The following RASGRF1 variants were observed in gnomAD, a reference collection of about 807,000 sequenced individuals.
RASGRF1 encodes Ras protein specific guanine nucleotide releasing factor 1.
RASGRF1 carries 40 observed loss-of-function variants against 138.7 expected under a neutral mutation model. The observed-to-expected ratio is 0.29, with a 90% confidence interval of 0.22 to 0.38. The LOEUF is 0.38. RASGRF1 is among the 10% of genes least tolerant of loss of function. The probability of loss-of-function intolerance (pLI) is 1.00; values close to 1 mark genes in which losing one functional copy is unlikely to be tolerated. For missense variants in RASGRF1, 1,108 were observed against 1,650.4 expected, an observed-to-expected ratio of 0.67 and a Z score of 5.69; for synonymous variants, 614 against 663.2, an observed-to-expected ratio of 0.93 and a Z score of 1.14.
intron 5 of RASGRF1, among the ~76,000 whole-genome samples, chr15:79,040,141 C>T (rs565597006): frequency 6.6e-6 from 1 of 152,056 alleles, no homozygotes; most frequent in Non-Finnish European, 1.5e-5. Flanking sequence ...CTCGGGTCTA[C>T]CCCACAGAGC....
chr15:79,090,206 C>T lies in RASGRF1; in HGVS notation c.276+17G>A, dbSNP rs1157843074. 1 of 1,584,914 alleles carries T rather than the reference C, an allele frequency of 6.3e-7. No individual in the cohort carries two copies. Among genetic ancestry groups the T allele is most frequent in the South Asian group, 1.1e-5 (1 of 88,786 alleles). ...CGGCCGGGACGCAGGGAGGTCAGGA[C>T]GCGACGCTCGCCTCACCTGTTTCTC... On this transcript the variant is annotated intron_variant, in intron 1 of 26. Transcript: ENST00000558480.
chr15:79,003,962 G>A lies in RASGRF1; in HGVS notation c.2289C>T (p.Ser763=), dbSNP rs1269803808. Residue 763 remains serine (S), a synonymous_variant, in exon 15 of 27, where the codon TCC becomes TCT. Coordinates refer to ENST00000558480, the MANE Select transcript of RASGRF1 (RefSeq NM_001145648.3). The part of the protein sequence containing the change: ...ALDLAALSCN[S]NGYTSMYSAM... ...CCGAGTACATGCTGGTGTAGCCATTGGAGTTGCAGCTGAGGGCGGCCAGGT... is the reference window on the plus strand; with the variant it reads ...CCGAGTACATGCTGGTGTAGCCATTAGAGTTGCAGCTGAGGGCGGCCAGGT... 3.1e-6 allele frequency: 5 copies of A among 1,614,040 alleles called. No individual in the cohort carries two copies. Among genetic ancestry groups the A allele is most frequent in the Middle Eastern group, 3.3e-4 (2 of 6,084 alleles).
At chr15:79,080,650 A>T (rs576885364) in intron 1 of RASGRF1, among the ~76,000 whole-genome samples, 11 of 152,304 alleles carry the variant, frequency 7.2e-5, no homozygotes, top group Admixed American at 3.3e-4. Flanking sequence ...TTATTTTAAG[A>T]TCTGAGTTGG....
At chr15:79,067,327 C>T (rs2057693556) in intron 1 of RASGRF1, among the ~76,000 whole-genome samples, 1 of 152,190 alleles carries the variant, frequency 6.6e-6, no homozygotes, top group African/African-American at 2.4e-5. Context: ...GAGGATCTAC[C>T]ACGCCTCAGG....
At chr15:79,049,750 G>A (rs1220705114) in intron 3 of RASGRF1, among the ~76,000 whole-genome samples, 162 bp from the exon 4 acceptor site, 1 of 152,122 alleles carries the variant, frequency 6.6e-6, no homozygotes, top group Non-Finnish European at 1.5e-5. Flanking sequence ...TGTGCATCCA[G>A]GTCATGGAAC....
At chr15:79,047,063 A>T (rs2057363820) in intron 4 of RASGRF1, 64 bp from the exon 5 acceptor site, 3 of 1,569,608 alleles carry the variant, frequency 1.9e-6, no homozygotes, top group Admixed American at 3.4e-5. Flanking sequence ...CTGTCCTTCC[A>T]GGCTGTGAGC....
chr15:79,051,839 G>T (rs1042204538), intron 3 of RASGRF1, among the ~76,000 whole-genome samples: 2 of 152,188 alleles, frequency 1.3e-5, no homozygotes, highest in East Asian at 3.8e-4. Context: ...GACTGCAAAA[G>T]TCTTGAACTA....
chr15:79,021,432 C>T (rs1289024127), intron 10 of RASGRF1, among the ~76,000 whole-genome samples: 1 of 152,216 alleles, frequency 6.6e-6, no homozygotes, highest in Non-Finnish European at 1.5e-5. Flanking sequence ...CCAGGACTAA[C>T]CCACTGGGCC....
chr15:79,028,701 C>A (rs149287062), intron 8 of RASGRF1, among the ~76,000 whole-genome samples: 69 of 152,236 alleles, frequency 4.5e-4, no homozygotes, highest in African/African-American at 1.5e-3. Context: ...GGGCTTCTGG[C>A]AAAAGTACCC....
Position 79,046,967 on chromosome 15 carries a change from C to T in RASGRF1, c.657G>A (p.Arg219=), listed in dbSNP as rs1363642846. ...CCTGGATGATGGTCTTCCACTTCCG[C>T]CGGCACAGCCAGCCCCGCAGGAAGC... The part of the protein sequence containing the change: ...VQSFLRGWLC[R]RKWKTIIQDY... The change falls in exon 5 of 27, where the codon CGG becomes CGA. Residue 219 remains arginine (R), a synonymous_variant. Coordinates refer to ENST00000558480, the MANE Select transcript of RASGRF1 (RefSeq NM_001145648.3). This position sits in a 1 kb window ranked among gnomAD's most constrained non-coding sequence, Gnocchi z 5.3. The T allele has an allele frequency of 1.2e-6, 2 of 1,613,514 alleles. No homozygotes were observed. The highest frequency in any genetic ancestry group is 2.7e-5 in the African/African-American group (2 of 75,064).
At chr15:78,986,690 G>A (rs1452501276) in intron 22 of RASGRF1, among the ~76,000 whole-genome samples, 1 of 151,988 alleles carries the variant, frequency 6.6e-6, no homozygotes, top group African/African-American at 2.4e-5. Context: ...TTAAAAAAAA[G>A]ACTACTACTT....
chr15:78,996,243 A>G (rs2056388708), intron 19 of RASGRF1, among the ~76,000 whole-genome samples: 1 of 152,200 alleles, frequency 6.6e-6, no homozygotes, highest in Non-Finnish European at 1.5e-5. Flanking sequence ...CAGAGGAGGG[A>G]CTGCAAGGAT....
rs779564323 is a variant in RASGRF1, at chr15:78,998,145, C to G, written c.2917G>C (p.Asp973His). The change falls in exon 19 of 27, where the codon GAC becomes CAC. Residue 973 changes from aspartate to histidine, a missense_variant. Physicochemically the swap from Asp to His is moderately conservative, Grantham distance 81 (BLOSUM62 -1). Around this residue, in one of 3 missense-constraint regions of RASGRF1, gnomAD observed 686 missense variants for 976.7 expected, o/e 0.70. Coordinates refer to ENST00000558480, the MANE Select transcript of RASGRF1 (RefSeq NM_001145648.3). ...CGCTCCTGGGTCAGGAGCTCCGGGT[C>G]GTGCATGACTTCTTCCAGGAAGCCG... ...VIGFLEEVMH[D>H]PELLTQERKA... The G allele has an allele frequency of 1.2e-5, 20 of 1,614,164 alleles. No individual in the cohort carries two copies. Among genetic ancestry groups the G allele is most frequent in the Non-Finnish European group, 1.7e-5 (20 of 1,180,006 alleles).
At chr15:79,013,771 C>A (rs900775352) in intron 13 of RASGRF1, among the ~76,000 whole-genome samples, 3 of 152,224 alleles carry the variant, frequency 2.0e-5, no homozygotes, top group African/African-American at 7.2e-5. Context: ...GAGAATTGTG[C>A]CTGGTGCAGG....
At chr15:79,066,327 C>T (rs1313765885) in intron 1 of RASGRF1, among the ~76,000 whole-genome samples, 1 of 152,192 alleles carries the variant, frequency 6.6e-6, no homozygotes, top group Non-Finnish European at 1.5e-5. Context: ...GACACACCTG[C>T]ACTGGGCAAC....
Position 78,969,593 on chromosome 15 carries a change from C to T in RASGRF1, c.3681+2273G>A, listed in dbSNP as rs191691734. Reference sequence around the variant, plus strand: ...CTGAGGCAGGAGAATTGCTTGAACCCGGGAGGCAGAGGTTGCAGTGAACTG... The same window carrying T: ...CTGAGGCAGGAGAATTGCTTGAACCTGGGAGGCAGAGGTTGCAGTGAACTG... On this transcript the variant is annotated intron_variant, in intron 26 of 26. Transcript: ENST00000558480. Among the ~76,000 whole-genome samples the T allele has an allele frequency of 2.3e-4, 35 of 152,118 alleles. No homozygotes were observed. In the East Asian group the frequency reaches 2.9e-3, roughly 13 times the overall value.
rs963311984 is a variant in RASGRF1, at chr15:79,084,313, G to A, written c.276+5910C>T. Among the ~76,000 whole-genome samples the A allele has an allele frequency of 5.9e-5, 9 of 152,356 alleles. No individual in the cohort carries two copies. In the South Asian group the frequency reaches 1.7e-3, roughly 28 times the overall value. On this transcript the variant is annotated intron_variant, in intron 1 of 26. Transcript: ENST00000558480. Reference sequence around the variant, plus strand: ...CAGTCTTGAAAACTGAAATCCTAGTGTAGACGAGCCGCCAAATTCAACTTC... The same window carrying A: ...CAGTCTTGAAAACTGAAATCCTAGTATAGACGAGCCGCCAAATTCAACTTC...
chr15:79,015,157 A>G (rs1332805063), intron 13 of RASGRF1, among the ~76,000 whole-genome samples, 170 bp downstream of exon 13: 1 of 152,162 alleles, frequency 6.6e-6, no homozygotes, highest in Non-Finnish European at 1.5e-5. Flanking sequence ...TCCAAATAGC[A>G]ATCACCCAAC....
At chr15:79,090,162 C>T (rs2058035036) in intron 1 of RASGRF1, 61 bp downstream of exon 1, 1 of 1,502,766 alleles carries the variant, frequency 6.7e-7, no homozygotes, top group African/African-American at 1.4e-5. Context: ...CAGCCGAAGG[C>T]CCTGAGCCCC....
Sources: gnomAD v4.1 joint callset for allele counts (sites outside exome capture counted in the v4.1 genomes callset) on GRCh38, gnomAD v4.1.1 for gene constraint, gnomAD v4.1.1 regional missense constraint, Gnocchi (gnomAD v3.1) non-coding constraint, MANE v1.5 for transcripts, NCBI Gene and HGNC (gene_info 2026-07-23, HGNC 2026-07-21) for gene names.